Variants in SLC26A9 observed in about 807,000 individuals in gnomAD.
SLC26A9 encodes solute carrier family 26 member 9, also known as anion transporter/exchanger protein 9.
SLC26A9 carries 46 observed loss-of-function variants against 87.1 expected under a neutral mutation model. That is an observed-to-expected ratio of 0.53 (90% CI 0.42 to 0.67). The LOEUF is 0.67. Ranked by LOEUF, SLC26A9 falls within the 30% of genes least tolerant of loss-of-function variation. The pLI is 0.00. For missense variants in SLC26A9, 927 were observed against 1,018.3 expected (o/e 0.91, Z 1.22); for synonymous variants, 437 against 409.1 (o/e 1.07, Z -0.82).
At chr1:205,923,842 G>A (rs1408869432) in intron 13 of SLC26A9, among the ~76,000 whole-genome samples, 5 of 152,162 alleles carry the variant, frequency 3.3e-5, no homozygotes, top group Non-Finnish European at 5.9e-5. Flanking sequence ...CAGACCACAG[G>A]GCAGGGGAGA....
intron 11 of SLC26A9, 98 bp downstream of exon 11, chr1:205,927,113 A>G (rs1571742234): frequency 1.6e-6 from 2 of 1,247,046 alleles, no homozygotes; most frequent in East Asian, 2.3e-5. Context: ...AAGTGTGACA[A>G]CAGTGGCACT....
intron 5 of SLC26A9, 79 bp downstream of exon 5, chr1:205,931,781 T>G: frequency 4.6e-6 from 7 of 1,513,804 alleles, no homozygotes; most frequent in Non-Finnish European, 6.2e-6. Context: ...AAATCAGATT[T>G]AGCATCAAAG....
intron 7 of SLC26A9, 105 bp from the exon 8 acceptor site, chr1:205,929,014 C>A (rs1659196446): frequency 6.7e-7 from 1 of 1,497,956 alleles, no homozygotes; most frequent in Non-Finnish European, 9.2e-7. Context: ...TCCCACTCCC[C>A]TGCCTCCTTA....
intron 11 of SLC26A9, 52 bp from the exon 12 acceptor site, chr1:205,926,682 C>T (rs1210637490): frequency 2.0e-6 from 3 of 1,508,216 alleles, no homozygotes; most frequent in Non-Finnish European, 1.8e-6. Flanking sequence ...CTTCTTTTTG[C>T]CCTCCTGCGC....
intron 17 of SLC26A9, 62 bp downstream of exon 17, chr1:205,921,504 A>G: frequency 6.5e-7 from 1 of 1,542,260 alleles, no homozygotes; most frequent in Non-Finnish European, 8.7e-7. Context: ...CAGGAAAGGG[A>G]ATGTGGAGAG....
In SLC26A9 at chr1:205,933,050, C is replaced by T. The variant is rs1163920731; in HGVS notation, c.160G>A (p.Gly54Arg). The change falls in exon 3 of 21, where the codon GGG becomes AGG. Residue 54 changes from glycine (G) to arginine (R), a missense_variant. Physicochemically the swap from Gly to Arg is moderately radical, Grantham distance 125. Transcript: ENST00000367135. Reference protein sequence around the residue: ...SSAKIKAVVFGLLPVLSWLPK... With the variant: ...SSAKIKAVVFRLLPVLSWLPK... ...AGCCAGGAGAGCACAGGCAGCAGCC[C>T]AAACACCACAGCTTTGATCTTGGCT... 6.2e-7 allele frequency: 1 copy of T among 1,614,176 alleles called. No individual in the cohort carries two copies. The highest frequency in any genetic ancestry group is 8.5e-7 in the Non-Finnish European group (1 of 1,180,026).
intron 13 of SLC26A9, 81 bp from the exon 14 acceptor site, chr1:205,923,694 G>A: frequency 1.3e-6 from 2 of 1,519,274 alleles, no homozygotes; most frequent in East Asian, 2.3e-5. Flanking sequence ...TGGGGCGGGG[G>A]CAGAGCCAAG....
Position 205,915,199 on chromosome 1 carries a change from G to C in SLC26A9, c.*158C>G. 1 of 1,609,868 alleles carries C rather than the reference G, an allele frequency of 6.2e-7. No individual in the cohort carries two copies. Among genetic ancestry groups the C allele is most frequent in the Non-Finnish European group, 8.5e-7 (1 of 1,177,210 alleles). On this transcript the variant is annotated 3_prime_UTR_variant, in exon 21 of 21. Transcript: ENST00000367135. ...GAGGCTCTCTCTGGAGATGCGGGGA[G>C]GGAAGGAAGGGAGGAGAGAGGGGGA...
chr1:205,934,958 C>T (rs1659449189), intron 2 of SLC26A9, among the ~76,000 whole-genome samples: 1 of 152,218 alleles, frequency 6.6e-6, no homozygotes, highest in South Asian at 2.1e-4. Flanking sequence ...ATCCAGGTAA[C>T]TGAATCAGCC....
chr1:205,930,115 C>T (rs542014603), intron 5 of SLC26A9, 59 bp from the exon 6 acceptor site: 20 of 1,525,830 alleles, frequency 1.3e-5, no homozygotes, highest in South Asian at 1.0e-4. Context: ...GCAGTTCCAA[C>T]GACCCGCCCC....
At chr1:205,924,053 G>T (rs1025657274) in intron 13 of SLC26A9, among the ~76,000 whole-genome samples, 3 of 152,278 alleles carry the variant, frequency 2.0e-5, no homozygotes, top group Admixed American at 2.0e-4. Context: ...GGTCCCATTT[G>T]GTTTGGGGTT....
At chr1:205,917,041 T>C (rs60716530) in intron 20 of SLC26A9, among the ~76,000 whole-genome samples, 15,594 of 149,066 alleles carry the variant, frequency 0.1, 1,051 homozygotes, top group African/African-American at 0.19. Flanking sequence ...TGCAGTGAGC[T>C]GAGATCATGC....
intron 20 of SLC26A9, among the ~76,000 whole-genome samples, chr1:205,916,628 G>T (rs1394517830): frequency 2.0e-5 from 3 of 152,220 alleles, no homozygotes; most frequent in African/African-American, 7.2e-5. Flanking sequence ...TGGTGGATGG[G>T]ACAGGTATTA....
chr1:205,940,858 G>A (rs1478386409), intron 1 of SLC26A9, among the ~76,000 whole-genome samples: 3 of 152,206 alleles, frequency 2.0e-5, no homozygotes, highest in East Asian at 1.9e-4. Flanking sequence ...TGCCAGGTAC[G>A]GGAACAGCCC....
rs140760240 is a variant in SLC26A9, at chr1:205,915,010, C to T, written c.*347G>A. The T allele has an allele frequency of 5.8e-3, 9,410 of 1,614,176 alleles. 90 individuals carry two copies. Among genetic ancestry groups the T allele is most frequent in the Middle Eastern group, 0.027 (166 of 6,062 alleles). On this transcript the variant is annotated 3_prime_UTR_variant, in exon 21 of 21. Transcript: ENST00000367135. ...CTTGTCCTTCTGTTTTTGGCTCACT[C>T]GTAAAAGCTGGAAGTCAAGGTGTCC...
chr1:205,932,619 G>GA (rs1659350244), intron 4 of SLC26A9, 83 bp downstream of exon 4: 1 of 1,177,836 alleles, frequency 8.5e-7, no homozygotes, highest in Non-Finnish European at 1.2e-6. Flanking sequence ...AATGCAGATG[G>GA]AAAATCTCCC....
At chr1:205,942,752 T>A (rs140945906) in intron 1 of SLC26A9, among the ~76,000 whole-genome samples, 1 of 152,318 alleles carries the variant, frequency 6.6e-6, no homozygotes, top group East Asian at 1.9e-4. Context: ...GCCTGCCTGA[T>A]GGAGCTGGTC....
In SLC26A9 at chr1:205,915,251, G is replaced by T. The variant is rs777070023; in HGVS notation, c.*106C>A. 4.3e-5 allele frequency: 69 copies of T among 1,599,900 alleles called. No individual in the cohort carries two copies. Among genetic ancestry groups the T allele is most frequent in the South Asian group, 3.6e-4 (32 of 88,652 alleles). ...AGGAGAGAGGAACCCAAGCTCTGGG[G>T]GATGCACTTTCCTCCGCCCGACACC... On this transcript the variant is annotated 3_prime_UTR_variant, in exon 21 of 21. Coordinates refer to ENST00000367135, the MANE Select transcript of SLC26A9 (RefSeq NM_052934.4).
chr1:205,938,445 C>T (rs866384753), intron 1 of SLC26A9, among the ~76,000 whole-genome samples: 3 of 152,186 alleles, frequency 2.0e-5, no homozygotes, highest in Non-Finnish European at 4.4e-5. Flanking sequence ...GCTCCGAAAC[C>T]TCTATCTCCC....
Sources: allele counts gnomAD v4.1 joint callset (sites outside exome capture counted in the v4.1 genomes callset), GRCh38; gene constraint gnomAD v4.1.1; transcripts MANE v1.5; gene names NCBI Gene and HGNC (gene_info 2026-07-23, HGNC 2026-07-21).